The following ZNF385D variants were observed in gnomAD, a reference collection of about 807,000 sequenced individuals.
ZNF385D encodes zinc finger protein 385D.
Under a neutral mutation model 35.8 loss-of-function variants are expected in ZNF385D, and 15 were observed. The ratio of observed to expected loss-of-function variants is 0.42; its 90% CI spans 0.28 to 0.64. The LOEUF is 0.64. Ranked by LOEUF, ZNF385D falls within the 30% of genes least tolerant of loss-of-function variation. The pLI is 0.23. For synonymous variants in ZNF385D, 212 were observed against 186.8 expected (o/e 1.13, Z -1.10); for missense variants, 474 against 494.6 (o/e 0.96, Z 0.39).
chr3:22,308,896 T>C (rs528214671), intron 2 of ZNF385D, among the ~76,000 whole-genome samples: 5 of 152,238 alleles, frequency 3.3e-5, no homozygotes, highest in South Asian at 2.1e-4. Flanking sequence ...CTTCTGCAGA[T>C]TGCAAGTTAA....
chr3:22,306,332 TAA>T (rs200362099), intron 2 of ZNF385D, among the ~76,000 whole-genome samples: 1 of 151,962 alleles, frequency 6.6e-6, no homozygotes, highest in Non-Finnish European at 1.5e-5. Context: ...GTCTTGTGGT[TAA>T]AAAAAGTCTT....
At chr3:22,362,682 A>G (rs899523287) in intron 2 of ZNF385D, among the ~76,000 whole-genome samples, 3 of 152,136 alleles carry the variant, frequency 2.0e-5, no homozygotes, top group African/African-American at 7.2e-5. Context: ...TTTTAAAAGT[A>G]TAATTCAAAT....
chr3:21,707,266 A>T (rs1028650387), intron 1 of ZNF385D, among the ~76,000 whole-genome samples: 1 of 152,208 alleles, frequency 6.6e-6, no homozygotes, highest in African/African-American at 2.4e-5. Context: ...AAAATATTCA[A>T]CATGAAATGA....
intron 3 of ZNF385D, among the ~76,000 whole-genome samples, chr3:22,164,042 T>A (rs1706144299): frequency 6.6e-6 from 1 of 152,146 alleles, no homozygotes; most frequent in South Asian, 2.1e-4. Context: ...CCAATAAGCC[T>A]GCAAAGGCAC....
rs544745933 is a variant in ZNF385D, at chr3:21,680,546, G to C, written c.23-15518C>G. Among the ~76,000 whole-genome samples the C allele has an allele frequency of 2.0e-5, 3 of 152,274 alleles. No homozygotes were observed. In the South Asian group the frequency reaches 6.2e-4, roughly 32 times the overall value. On this transcript the variant is annotated intron_variant, in intron 1 of 7. Coordinates refer to ENST00000281523, the MANE Select transcript of ZNF385D (RefSeq NM_024697.3). ...GTTTGCAACCCACTTCTTTTAGTGA[G>C]GAGCCACATGTGATGTTTAACTAAT...
intron 3 of ZNF385D, among the ~76,000 whole-genome samples, chr3:21,553,080 T>C (rs1297904658): frequency 6.6e-6 from 1 of 152,106 alleles, no homozygotes; most frequent in Non-Finnish European, 1.5e-5. Flanking sequence ...AGTCAAGGAA[T>C]GCAGGCAACT....
intron 2 of ZNF385D, among the ~76,000 whole-genome samples, chr3:22,312,496 C>A (rs1279867322): frequency 1.3e-5 from 2 of 151,780 alleles, no homozygotes; most frequent in African/African-American, 2.4e-5. Context: ...TTTTTGCAAC[C>A]TACTCATCTG....
chr3:21,866,431 G>C (rs1007492535), intron 3 of ZNF385D, among the ~76,000 whole-genome samples: 7 of 152,272 alleles, frequency 4.6e-5, no homozygotes, highest in African/African-American at 1.7e-4. Context: ...TCTCTGTCTT[G>C]GGCAACAGGA....
chr3:21,679,387 C>T (rs1674803689), intron 1 of ZNF385D, among the ~76,000 whole-genome samples: 1 of 151,836 alleles, frequency 6.6e-6, no homozygotes, highest in African/African-American at 2.4e-5. Flanking sequence ...ATGATACTTA[C>T]ATTTTGTTTG....
chr3:21,571,788 A>G (rs1406605550), intron 2 of ZNF385D, among the ~76,000 whole-genome samples: 1 of 152,146 alleles, frequency 6.6e-6, no homozygotes, highest in Non-Finnish European at 1.5e-5. Flanking sequence ...TATGATTATA[A>G]TTTTATTGTA....
intron 1 of ZNF385D, among the ~76,000 whole-genome samples, chr3:21,750,246 G>A (rs2069997322): frequency 1.3e-5 from 2 of 152,170 alleles, no homozygotes; most frequent in South Asian, 4.1e-4. Context: ...TGGAAATGCA[G>A]GCAGCTCAAC....
At chr3:21,777,726 A>C (rs1371094839) in intron 3 of ZNF385D, 1 of 151,832 alleles carries the variant, frequency 6.6e-6, no homozygotes, top group Non-Finnish European at 1.5e-5. Context: ...TTATATTTCA[A>C]CTACTGCCTT....
At chr3:22,262,171 CAG>C (rs1700666146) in intron 2 of ZNF385D, among the ~76,000 whole-genome samples, 1 of 151,672 alleles carries the variant, frequency 6.6e-6, no homozygotes, top group Non-Finnish European at 1.5e-5. Flanking sequence ...TTACTAAAGA[CAG>C]AGTAGAAAAC....
chr3:22,162,329 G>A (rs1706012732), intron 3 of ZNF385D, among the ~76,000 whole-genome samples: 1 of 152,048 alleles, frequency 6.6e-6, no homozygotes, highest in African/African-American at 2.4e-5. Flanking sequence ...TCTTTTTGTG[G>A]GAGGGTTTAC....
chr3:21,514,104 G>T (rs1002581290), intron 3 of ZNF385D, among the ~76,000 whole-genome samples: 3 of 152,054 alleles, frequency 2.0e-5, no homozygotes, highest in Non-Finnish European at 2.9e-5. Flanking sequence ...GGCCTCCTCT[G>T]CTTTTCTTTT....
At chr3:21,727,054 A>C (rs1324464092) in intron 1 of ZNF385D, among the ~76,000 whole-genome samples, 1 of 152,198 alleles carries the variant, frequency 6.6e-6, no homozygotes, top group Non-Finnish European at 1.5e-5. Context: ...CAAACTTGAC[A>C]CAAAGAAGCA....
intron 3 of ZNF385D, among the ~76,000 whole-genome samples, chr3:21,876,121 C>T (rs904232604): frequency 6.6e-6 from 1 of 152,006 alleles, no homozygotes; most frequent in African/African-American, 2.4e-5. Context: ...GCTGTGATAT[C>T]AGGAATGATA....
intron 2 of ZNF385D, among the ~76,000 whole-genome samples, chr3:22,331,762 C>T (rs1694945957): frequency 6.6e-6 from 1 of 152,094 alleles, no homozygotes; most frequent in Admixed American, 6.6e-5. Flanking sequence ...ATTGATTCAC[C>T]CGTTTGTTTT....
intron 3 of ZNF385D, among the ~76,000 whole-genome samples, chr3:21,932,912 C>G (rs763054480): frequency 2.6e-5 from 4 of 152,152 alleles, no homozygotes; most frequent in Admixed American, 6.5e-5. Context: ...CTGGGCCTAT[C>G]TTGAAGCATT....
Sources: gnomAD v4.1 joint callset for allele counts (sites outside exome capture counted in the v4.1 genomes callset) on GRCh38, gnomAD v4.1.1 for gene constraint, MANE v1.5 for transcripts, NCBI Gene and HGNC (gene_info 2026-07-23, HGNC 2026-07-21) for gene names.